Variants in OTOGL observed in about 807,000 individuals in gnomAD.
The protein encoded by OTOGL is otogelin-like protein.
In OTOGL, 285 loss-of-function variants were observed where a neutral mutation model predicts 318.5. The ratio of observed to expected loss-of-function variants is 0.89; its 90% CI spans 0.81 to 0.99. The LOEUF (loss-of-function observed/expected upper bound fraction) is 0.99. OTOGL is among the 50% of genes least tolerant of loss of function. The probability of loss-of-function intolerance (pLI) is 0.00; values close to 1 mark genes in which losing one functional copy is unlikely to be tolerated. For synonymous variants in OTOGL, 987 were observed against 936.5 expected (o/e 1.05, Z -0.99); for missense variants, 2,899 against 2,845.6 (o/e 1.02, Z -0.43).
At chr12:80,254,331 T>C (rs1881828744) in intron 14 of OTOGL, among the ~76,000 whole-genome samples, 193 bp from the exon 15 acceptor site, 1 of 150,958 alleles carries the variant, frequency 6.6e-6, no homozygotes, top group African/African-American at 2.4e-5. Context: ...ATTGAACTTA[T>C]GCAGAGATGA....
At chr12:80,147,572 T>G (rs1468259453) in intron 1 of OTOGL, among the ~76,000 whole-genome samples, 1 of 151,980 alleles carries the variant, frequency 6.6e-6, no homozygotes, top group Admixed American at 6.6e-5. Context: ...CTATTAGGTC[T>G]GCTTGGTGCA....
At chr12:80,225,964 A>G (rs1029749815) in intron 7 of OTOGL, among the ~76,000 whole-genome samples, 1 of 152,038 alleles carries the variant, frequency 6.6e-6, no homozygotes, top group Non-Finnish European at 1.5e-5. Context: ...ATATGGCAAA[A>G]AATAGCCTCT....
intron 1 of OTOGL, among the ~76,000 whole-genome samples, chr12:80,208,970 G>A (rs904043659): frequency 2.6e-5 from 4 of 151,768 alleles, no homozygotes; most frequent in Non-Finnish European, 5.9e-5. Context: ...AGATTGACAG[G>A]GTTTTATTTC....
intron 1 of OTOGL, among the ~76,000 whole-genome samples, chr12:80,148,658 T>G (rs1238196005): frequency 1.3e-5 from 2 of 152,216 alleles, no homozygotes; most frequent in African/African-American, 4.8e-5. Flanking sequence ...TTTTTCAACT[T>G]GGTTCCATTC....
intron 1 of OTOGL, among the ~76,000 whole-genome samples, chr12:80,108,940 A>G (rs1037749513): frequency 3.3e-4 from 46 of 141,096 alleles, no homozygotes; most frequent in African/African-American, 1.2e-3. Context: ...GTGTGTGTAT[A>G]TATATATATA....
chr12:80,158,617 G>T (rs1189651100), intron 1 of OTOGL, among the ~76,000 whole-genome samples: 5 of 151,976 alleles, frequency 3.3e-5, no homozygotes. Context: ...TAGAGTTCTT[G>T]ATTTGATTCT....
rs3045762 is a variant in OTOGL, at chr12:80,166,194, CCTCT to C, written c.-19-43205_-19-43202del. On this transcript the variant is annotated intron_variant, in intron 1 of 58. Transcript: ENST00000547103. ...TCCTTTCCTCTCTCCCTCCCTTCTT[CCTCT>C]CTCTCTCTCTCTCCCTCCTTTCCTC... is the stretch of plus-strand genomic sequence containing the variant. Among the ~76,000 whole-genome samples, 25 of 147,620 alleles carry C rather than the reference CCTCT, an allele frequency of 1.7e-4. No individual in the cohort carries two copies. In the South Asian group the frequency reaches 3.3e-3, roughly 19 times the overall value.
chr12:80,178,745 G>A (rs1017982985), intron 1 of OTOGL, among the ~76,000 whole-genome samples: 1 of 152,142 alleles, frequency 6.6e-6, no homozygotes, highest in Non-Finnish European at 1.5e-5. Flanking sequence ...TCCAACTGGG[G>A]AGTTAAATCT....
At chr12:80,249,586 T>C (rs1881289022) in intron 11 of OTOGL, among the ~76,000 whole-genome samples, 1 of 152,024 alleles carries the variant, frequency 6.6e-6, no homozygotes, top group African/African-American at 2.4e-5. Context: ...GACAGGGACA[T>C]TTAAGTCTGC....
chr12:80,269,868 C>T (rs1342939314), intron 22 of OTOGL, among the ~76,000 whole-genome samples: 2 of 152,090 alleles, frequency 1.3e-5, no homozygotes, highest in African/African-American at 4.8e-5. Context: ...GTTCATGTCT[C>T]CCATGCCTAT....
intron 1 of OTOGL, among the ~76,000 whole-genome samples, chr12:80,160,802 A>T (rs964171112): frequency 1.3e-5 from 2 of 152,144 alleles, no homozygotes; most frequent in African/African-American, 4.8e-5. Context: ...ACAGCAGCAC[A>T]GTTCACAATT....
chr12:80,160,835 A>G (rs1269628873), intron 1 of OTOGL, among the ~76,000 whole-genome samples: 1 of 152,212 alleles, frequency 6.6e-6, no homozygotes, highest in Non-Finnish European at 1.5e-5. Flanking sequence ...AACCAGGCCA[A>G]ATGCCCATCA....
chr12:80,321,938 A>C (rs1887361941), intron 34 of OTOGL, among the ~76,000 whole-genome samples: 1 of 152,190 alleles, frequency 6.6e-6, no homozygotes. Context: ...TTGTCTGCAC[A>C]TGCTCCAGGT....
At position 80,211,961 on chromosome 12, in the gene OTOGL, T is replaced by C; in HGVS notation, c.132T>C (p.Asn44=). Residue 44 remains asparagine (N), a synonymous_variant, in exon 4 of 59, where the codon AAT becomes AAC. Coordinates refer to ENST00000547103, the MANE Select transcript of OTOGL (RefSeq NM_001378609.3). ...TGTTTTCTTCCAGAAACGGGTTTAA[T>C]GAAAATCGACAGAAAAGAGCTCTTT... ...ILMGTSKNGF[N]ENRQKRALLA... is the part of the protein sequence containing the mutation. 6.4e-7 allele frequency: 1 copy of C among 1,574,250 alleles called. No individual in the cohort carries two copies. The highest frequency in any genetic ancestry group is 8.6e-7 in the Non-Finnish European group (1 of 1,166,710).
chr12:80,325,467 A>G (rs183691195), intron 35 of OTOGL, among the ~76,000 whole-genome samples: 92 of 152,330 alleles, frequency 6.0e-4, no homozygotes, highest in East Asian at 2.9e-3. Flanking sequence ...CCCAGAGGAG[A>G]AAACCAACCG....
rs1229551279 is a variant in OTOGL, at chr12:80,329,059, G to A, written c.4288G>A (p.Val1430Met). The A allele has an allele frequency of 2.5e-6, 4 of 1,582,020 alleles. No individual in the cohort carries two copies. The South Asian group carries it at 4.8e-5, about 19-fold the overall frequency. Reference sequence around the variant, plus strand: ...CCTTTGTTTCTTTGTAGGTATACCTGTGATTCCCACAGAACCAACATTAAT... The same window carrying A: ...CCTTTGTTTCTTTGTAGGTATACCTATGATTCCCACAGAACCAACATTAAT... Reference protein sequence around the residue: ...KCVYPRDCIPVIPTEPTLMPP... With the variant: ...KCVYPRDCIPMIPTEPTLMPP... The change falls in exon 37 of 59, where the codon GTG becomes ATG. Residue 1430 changes from valine (V) to methionine (M), a missense_variant. Coordinates refer to ENST00000547103, the MANE Select transcript of OTOGL (RefSeq NM_001378609.3).
At chr12:80,141,884 T>C (rs878966216) in intron 1 of OTOGL, among the ~76,000 whole-genome samples, 1 of 152,144 alleles carries the variant, frequency 6.6e-6, no homozygotes, top group Admixed American at 6.6e-5. Context: ...GAATTCGTTT[T>C]TGGGAGAGGA....
At chr12:80,220,680 A>G (rs1225833847) in intron 6 of OTOGL, among the ~76,000 whole-genome samples, 1 of 125,262 alleles carries the variant, frequency 8.0e-6, no homozygotes, top group Non-Finnish European at 1.8e-5. Context: ...ATAATAATCA[A>G]TAAATATTCA....
At chr12:80,345,226 A>G (rs956133017) in intron 44 of OTOGL, among the ~76,000 whole-genome samples, 3 of 137,506 alleles carry the variant, frequency 2.2e-5, no homozygotes, top group African/African-American at 5.3e-5. Context: ...ATATATATAT[A>G]TTATATATAT....
Sources: allele counts gnomAD v4.1 joint callset (sites outside exome capture counted in the v4.1 genomes callset), GRCh38; gene constraint gnomAD v4.1.1; transcripts MANE v1.5; gene names NCBI Gene and HGNC (gene_info 2026-07-23, HGNC 2026-07-21).